Variants in FSTL5 observed in about 807,000 individuals in gnomAD.
FSTL5 encodes follistatin-related protein 5.
FSTL5 carries 62 observed loss-of-function variants against 89.1 expected under a neutral mutation model. That is an observed-to-expected ratio of 0.70 (90% CI 0.57 to 0.86). The LOEUF (loss-of-function observed/expected upper bound fraction) is 0.86. Ranked by LOEUF, FSTL5 falls within the 40% of genes least tolerant of loss-of-function variation. FSTL5 has a pLI of 0.00. For missense variants in FSTL5, 1,057 were observed against 1,001.6 expected (o/e 1.06, Z -0.75); for synonymous variants, 383 against 346.2 (o/e 1.11, Z -1.18).
At chr4:162,089,023 G>A (rs749377235) in intron 2 of FSTL5, among the ~76,000 whole-genome samples, 2 of 152,096 alleles carry the variant, frequency 1.3e-5, no homozygotes, top group Non-Finnish European at 2.9e-5. Flanking sequence ...CTCATGAATA[G>A]ATCAATGTTA....
At chr4:161,797,911 T>C (rs574876850) in intron 4 of FSTL5, among the ~76,000 whole-genome samples, 1 of 151,848 alleles carries the variant, frequency 6.6e-6, no homozygotes, top group South Asian at 2.1e-4. Flanking sequence ...ATGAATGTTA[T>C]GTCCATCACA....
chr4:161,446,818 T>C (rs918931642), intron 15 of FSTL5, among the ~76,000 whole-genome samples: 2 of 152,010 alleles, frequency 1.3e-5, no homozygotes, highest in Non-Finnish European at 2.9e-5. Flanking sequence ...TCTTCATGCA[T>C]TTTAATTCAT....
intron 8 of FSTL5, among the ~76,000 whole-genome samples, chr4:161,578,789 C>A (rs145815826): frequency 2.3e-4 from 35 of 151,942 alleles, no homozygotes; most frequent in Non-Finnish European, 1.0e-4. Flanking sequence ...AGAAACCATG[C>A]AAGAGCAACC....
intron 6 of FSTL5, among the ~76,000 whole-genome samples, chr4:161,707,185 A>T (rs1738611667): frequency 6.6e-6 from 1 of 151,904 alleles, no homozygotes; most frequent in Non-Finnish European, 1.5e-5. Context: ...TTGTATAAAC[A>T]ATTGCATTAA....
At position 161,616,727 on chromosome 4, in the gene FSTL5, G is replaced by C. The variant is rs904842574; in HGVS notation, c.895-29152C>G. On this transcript the variant is annotated intron_variant, in intron 7 of 15. Transcript: ENST00000306100. Reference sequence around the variant, plus strand: ...GGAGTGGGGTGCAGTGGGGTGAAGAGGACCAGGATAAATAGGTGGCATGCA... The same window carrying C: ...GGAGTGGGGTGCAGTGGGGTGAAGACGACCAGGATAAATAGGTGGCATGCA... Among the ~76,000 whole-genome samples the C allele has an allele frequency of 2.6e-5, 4 of 151,934 alleles. No individual in the cohort carries two copies. The East Asian group carries it at 7.7e-4, about 29-fold the overall frequency.
intron 15 of FSTL5, among the ~76,000 whole-genome samples, chr4:161,408,361 A>G (rs551248903): frequency 6.4e-4 from 98 of 152,324 alleles, no homozygotes; most frequent in Middle Eastern, 3.4e-3. Flanking sequence ...CAAGAATTCT[A>G]CAATCAAAGA....
At chr4:161,507,049 T>C (rs983020308) in intron 11 of FSTL5, among the ~76,000 whole-genome samples, 3 of 152,116 alleles carry the variant, frequency 2.0e-5, no homozygotes, top group Non-Finnish European at 4.4e-5. Flanking sequence ...CTACTCAATA[T>C]TGATCCTGGA....
intron 6 of FSTL5, among the ~76,000 whole-genome samples, chr4:161,703,402 ATTTG>A (rs1158279240): frequency 6.6e-6 from 1 of 151,958 alleles, no homozygotes; most frequent in African/African-American, 2.4e-5. Context: ...ATAAATTTAA[ATTTG>A]TTTGACCCAA....
At chr4:162,160,586 C>A (rs1733656100) in intron 1 of FSTL5, among the ~76,000 whole-genome samples, 2 of 151,490 alleles carry the variant, frequency 1.3e-5, no homozygotes, top group African/African-American at 4.8e-5. Flanking sequence ...CAATTTTGGG[C>A]AAATATGAAG....
rs966055894 is a variant in FSTL5 at position 161,691,003 on chromosome 4, T to G, written c.728-34509A>C. Among the ~76,000 whole-genome samples, 3 of 152,170 alleles carry G rather than the reference T, an allele frequency of 2.0e-5. No homozygotes were observed. The South Asian group carries it at 6.2e-4, about 31-fold the overall frequency. ...GATTTCATTCTTTTATATGGCTGCA[T>G]AGTATTCCGTGGTGTTTATGTACCA... On this transcript the variant is annotated intron_variant, in intron 6 of 15. Transcript: ENST00000306100.
At chr4:161,437,000 G>A (rs1343042564) in intron 15 of FSTL5, among the ~76,000 whole-genome samples, 1 of 152,016 alleles carries the variant, frequency 6.6e-6, no homozygotes, top group Non-Finnish European at 1.5e-5. Context: ...TGTTATTAAG[G>A]GCCTTATTCT....
At chr4:161,493,115 AG>A (rs1241720531) in intron 12 of FSTL5, among the ~76,000 whole-genome samples, 1 of 151,964 alleles carries the variant, frequency 6.6e-6, no homozygotes, top group African/African-American at 2.4e-5. Flanking sequence ...GCCAGTGTTC[AG>A]AAACTTATAG....
chr4:162,153,668 G>GTATATAATAATATA (rs1561048819), intron 1 of FSTL5, among the ~76,000 whole-genome samples: 5 of 126,700 alleles, frequency 3.9e-5, no homozygotes, highest in African/African-American at 5.9e-5. Flanking sequence ...TATAATATAT[G>GTATATAATAATATA]TATATTATAT....
At chr4:161,967,029 A>T (rs1251106668) in intron 3 of FSTL5, among the ~76,000 whole-genome samples, 1 of 151,314 alleles carries the variant, frequency 6.6e-6, no homozygotes, top group Admixed American at 6.6e-5. Flanking sequence ...AGCCTGGTAA[A>T]CCTCTCACCA....
chr4:162,133,658 A>G (rs1197410937), intron 1 of FSTL5, among the ~76,000 whole-genome samples: 2 of 152,112 alleles, frequency 1.3e-5, no homozygotes, highest in Admixed American at 6.6e-5. Context: ...TAGACTCTTG[A>G]TATATATTTA....
rs1206067350 is a variant in FSTL5, at chr4:161,705,952, G to GTATA, written c.728-49462_728-49459dup. 2.2e-3 allele frequency among the ~76,000 whole-genome samples: 66 copies of GTATA among 30,590 alleles called. 1 individual carries two copies. Among genetic ancestry groups the GTATA allele is most frequent in the African/African-American group, 9.0e-3 (61 of 6,770 alleles). 20.1% of individuals were successfully genotyped at this position (30,590 alleles called of 152,430 possible). A position where few individuals can be genotyped will look rare whatever the true frequency, so the allele number is the denominator to read the frequency against. On this transcript the variant is annotated intron_variant, in intron 6 of 15. Transcript: ENST00000306100. ...TATGCATGTGTGTGTGTAGATGTGTGTATATATATATATATATATATATAT... is the reference window on the plus strand; with the variant it reads ...TATGCATGTGTGTGTGTAGATGTGTGTATATATATATATATATATATATATATAT...
At chr4:162,046,994 C>T (rs1738207014) in intron 2 of FSTL5, among the ~76,000 whole-genome samples, 1 of 151,894 alleles carries the variant, frequency 6.6e-6, no homozygotes, top group South Asian at 2.1e-4. Context: ...AGACAGACAA[C>T]AAATAAATAA....
chr4:161,604,111 C>CTATA (rs1418359578), intron 7 of FSTL5, among the ~76,000 whole-genome samples: 1 of 152,056 alleles, frequency 6.6e-6, no homozygotes, highest in African/African-American at 2.4e-5. Context: ...ATTATTTTTT[C>CTATA]TATAGTATTT....
chr4:161,860,287 C>CAAA (rs1731870639), intron 4 of FSTL5, among the ~76,000 whole-genome samples: 1 of 13,808 alleles, frequency 7.2e-5, no homozygotes, highest in Non-Finnish European at 2.0e-4. Context: ...GACTCCGTCT[C>CAAA]AAACAAACAA....
Sources: gnomAD v4.1 joint callset for allele counts (sites outside exome capture counted in the v4.1 genomes callset) on GRCh38, gnomAD v4.1.1 for gene constraint, MANE v1.5 for transcripts, NCBI Gene and HGNC (gene_info 2026-07-23, HGNC 2026-07-21) for gene names.